The following COL14A1 variants were observed in gnomAD, a reference collection of about 807,000 sequenced individuals.
COL14A1 encodes the protein collagen type XIV alpha 1 chain.
A neutral mutation model predicts 230.3 loss-of-function variants in COL14A1; 136 were observed. The ratio of observed to expected loss-of-function variants is 0.59; its 90% CI spans 0.51 to 0.68. The LOEUF is 0.68. COL14A1 is among the 30% of genes least tolerant of loss of function. The probability of loss-of-function intolerance (pLI) is 0.00; values close to 1 mark genes in which losing one functional copy is unlikely to be tolerated. For synonymous variants in COL14A1, 792 were observed against 784.1 expected, an observed-to-expected ratio of 1.01 and a Z score of -0.17; for missense variants, 1,976 against 2,215.8, an observed-to-expected ratio of 0.89 and a Z score of 2.17.
chr8:120,243,656 G>C (rs1402062691), intron 19 of COL14A1, among the ~76,000 whole-genome samples: 1 of 151,348 alleles, frequency 6.6e-6, no homozygotes, highest in East Asian at 2.0e-4. Context: ...GAGCTTAAGA[G>C]TGTCAAATTT....
At chr8:120,143,015 GC>G (rs1328663415) in intron 1 of COL14A1, among the ~76,000 whole-genome samples, 7 of 152,154 alleles carry the variant, frequency 4.6e-5, no homozygotes, top group Non-Finnish European at 5.9e-5. Context: ...TTCATCAGAG[GC>G]TTTTGCACTT....
chr8:120,298,787 A>C (rs939637168), intron 35 of COL14A1, among the ~76,000 whole-genome samples: 1 of 150,910 alleles, frequency 6.6e-6, no homozygotes, highest in Middle Eastern at 3.5e-3. Context: ...GTGAGATTTG[A>C]CCTTATAACC....
intron 3 of COL14A1, among the ~76,000 whole-genome samples, chr8:120,159,221 T>G (rs1815579409): frequency 6.6e-6 from 1 of 152,198 alleles, no homozygotes; most frequent in African/African-American, 2.4e-5. Context: ...AGCGTCTGAA[T>G]TTTAAAAAGA....
rs371068503 is a variant in COL14A1, at chr8:120,310,070, G to A, written c.4455+8G>A. The A allele has an allele frequency of 2.6e-5, 42 of 1,612,532 alleles. No individual in the cohort carries two copies. Among genetic ancestry groups the A allele is most frequent in the South Asian group, 1.3e-4 (12 of 90,888 alleles). ...GGTGAACCGGGTCCAAAGGTAATGC[G>A]CATGTTTTCTCTCTCTCTCTGTCTC... On this transcript the variant is annotated splice_region_variant and intron_variant, in intron 37 of 47. Coordinates refer to ENST00000297848, the MANE Select transcript of COL14A1 (RefSeq NM_021110.4).
intron 37 of COL14A1, among the ~76,000 whole-genome samples, chr8:120,313,647 C>T (rs913562890): frequency 2.0e-5 from 3 of 151,960 alleles, no homozygotes; most frequent in African/African-American, 7.3e-5. Context: ...TGGGGGGTCT[C>T]ATTACTTACA....
chr8:120,234,344 A>G (rs769834736), intron 19 of COL14A1, among the ~76,000 whole-genome samples: 2 of 152,148 alleles, frequency 1.3e-5, no homozygotes, highest in Non-Finnish European at 2.9e-5. Context: ...AACCTCGAAT[A>G]CTATGTTGAA....
intron 20 of COL14A1, among the ~76,000 whole-genome samples, chr8:120,246,123 G>A (rs936439014): frequency 5.3e-5 from 8 of 152,168 alleles, no homozygotes; most frequent in Non-Finnish European, 7.4e-5. Context: ...CTAAGTTTGC[G>A]AAAATCATTA....
chr8:120,216,304 T>A (rs375376607), intron 13 of COL14A1, 47 bp from the exon 14 acceptor site: 34 of 1,530,568 alleles, frequency 2.2e-5, no homozygotes, highest in Non-Finnish European at 2.9e-5. Flanking sequence ...TTTTTACATG[T>A]ATGTAATTTG....
chr8:120,287,214 C>CT (rs1563718383), intron 33 of COL14A1, among the ~76,000 whole-genome samples: 1 of 146,684 alleles, frequency 6.8e-6, no homozygotes. Context: ...AGAACAGTTG[C>CT]TAAAAAAAAA....
At chr8:120,312,196 G>T (rs1563731858) in intron 37 of COL14A1, among the ~76,000 whole-genome samples, 1 of 151,946 alleles carries the variant, frequency 6.6e-6, no homozygotes, top group Non-Finnish European at 1.5e-5. Context: ...TTGCCTCCTT[G>T]CTGCCTCCAT....
chr8:120,228,104 C>G (rs1012859299), intron 17 of COL14A1, among the ~76,000 whole-genome samples: 1 of 152,094 alleles, frequency 6.6e-6, no homozygotes, highest in African/African-American at 2.4e-5. Flanking sequence ...CCTTGCATCC[C>G]CAGTCGCTGG....
At position 120,371,942 on chromosome 8, in the gene COL14A1, C is replaced by T. The variant is rs1812171304; in HGVS notation, c.*711C>T. The T allele has an allele frequency of 1.0e-5, 3 of 297,182 alleles. No homozygotes were observed. Among genetic ancestry groups the T allele is most frequent in the East Asian group, 5.1e-5 (1 of 19,604 alleles). The allele number at this position is 297,182 out of a possible 1,614,324, so 18.4% of individuals were successfully genotyped here. A position where few individuals can be genotyped will look rare whatever the true frequency, so the allele number is the denominator to read the frequency against. ...CAGCAGTGTGTTCCAGGGGTTGCCT[C>T]TCCTTATCTACGGGGATTACTTTGT... On this transcript the variant is annotated 3_prime_UTR_variant, in exon 48 of 48. Transcript: ENST00000297848.
At chr8:120,355,404 C>CT (rs144319877) in intron 45 of COL14A1, among the ~76,000 whole-genome samples, 240 of 144,302 alleles carry the variant, frequency 1.7e-3, no homozygotes, top group Non-Finnish European at 1.8e-3. Context: ...TAATTTCAGT[C>CT]TTTTTTTTTT....
intron 12 of COL14A1, among the ~76,000 whole-genome samples, chr8:120,210,385 C>G (rs1203173466): frequency 6.6e-6 from 1 of 152,124 alleles, no homozygotes; most frequent in Non-Finnish European, 1.5e-5. Context: ...AAAGGGTAGG[C>G]AAATTATTAA....
At chr8:120,341,478 C>A in intron 43 of COL14A1, 118 bp downstream of exon 43, 1 of 1,082,692 alleles carries the variant, frequency 9.2e-7, no homozygotes, top group Non-Finnish European at 1.3e-6. Flanking sequence ...GTACCAGTCT[C>A]TGTTTCTCCC....
chr8:120,348,065 A>T (rs1223972566), intron 45 of COL14A1, among the ~76,000 whole-genome samples: 2 of 152,034 alleles, frequency 1.3e-5, no homozygotes, highest in Non-Finnish European at 2.9e-5. Flanking sequence ...TATACAAAAA[A>T]GATATTTGCA....
chr8:120,308,809 A>AT (rs1036036281), intron 36 of COL14A1, among the ~76,000 whole-genome samples: 1 of 152,162 alleles, frequency 6.6e-6, no homozygotes, highest in Non-Finnish European at 1.5e-5. Context: ...ATTTTCAATG[A>AT]TTTTTCAATC....
chr8:120,173,143 CT>C (rs1260932134), intron 5 of COL14A1, among the ~76,000 whole-genome samples: 1 of 152,098 alleles, frequency 6.6e-6, no homozygotes, highest in East Asian at 1.9e-4. Flanking sequence ...TGTAAAGAAG[CT>C]TTCTCCCTTC....
chr8:120,188,350 G>A (rs1816710180), intron 5 of COL14A1, among the ~76,000 whole-genome samples: 1 of 152,078 alleles, frequency 6.6e-6, no homozygotes, highest in Admixed American at 6.6e-5. Context: ...CCAAAGTGCT[G>A]GGATTACAGG....
Sources: allele counts gnomAD v4.1 joint callset (sites outside exome capture counted in the v4.1 genomes callset), GRCh38; gene constraint gnomAD v4.1.1; transcripts MANE v1.5; gene names NCBI Gene and HGNC (gene_info 2026-07-23, HGNC 2026-07-21).